ARMH3: variants seen among roughly 807,000 people sequenced by gnomAD.
ARMH3 encodes the protein armadillo like helical domain containing 3, also known as armadillo-like helical domain-containing protein 3.
A neutral mutation model predicts 99.1 loss-of-function variants in ARMH3; 60 were observed. That is an observed-to-expected ratio of 0.61 (90% CI 0.49 to 0.75). ARMH3 has a LOEUF of 0.75. Among genes scored for constraint, ARMH3 ranks in the 30% least tolerant of loss-of-function variants. The pLI, the probability that ARMH3 is intolerant of heterozygous loss-of-function variation, is 0.00. For missense variants in ARMH3, 679 were observed against 843.1 expected, an observed-to-expected ratio of 0.81 and a Z score of 2.41; for synonymous variants, 285 against 292.8, an observed-to-expected ratio of 0.97 and a Z score of 0.27.
chr10:101,895,574 C>T (rs764325746), intron 23 of ARMH3, among the ~76,000 whole-genome samples: 11 of 152,110 alleles, frequency 7.2e-5, no homozygotes, highest in South Asian at 2.1e-4. Flanking sequence ...CCACTGCGCC[C>T]GGCCCTTAAA....
intron 22 of ARMH3, among the ~76,000 whole-genome samples, chr10:101,945,250 T>C (rs1844462857): frequency 6.6e-6 from 1 of 152,208 alleles, no homozygotes. Flanking sequence ...ACTATGTGGA[T>C]GGCTAAAACT....
chr10:101,994,278 G>T (rs1367085586), intron 16 of ARMH3, among the ~76,000 whole-genome samples: 1 of 152,168 alleles, frequency 6.6e-6, no homozygotes, highest in African/African-American at 2.4e-5. Flanking sequence ...GATTTTCTTA[G>T]AAAGATTTTT....
chr10:101,995,493 G>C, intron 15 of ARMH3, 138 bp from the exon 16 acceptor site: 1 of 703,124 alleles, frequency 1.4e-6, no homozygotes, highest in Non-Finnish European at 2.4e-6. Flanking sequence ...GAAAATCAAG[G>C]TACTACTATA....
intron 8 of ARMH3, among the ~76,000 whole-genome samples, chr10:102,021,378 C>A (rs990615700): frequency 3.3e-5 from 5 of 150,682 alleles, no homozygotes; most frequent in African/African-American, 1.2e-4. Context: ...CCGTCCCCAG[C>A]CTTAGATTTT....
chr10:101,979,108 C>T (rs1434217911), intron 19 of ARMH3, among the ~76,000 whole-genome samples: 1 of 151,906 alleles, frequency 6.6e-6, no homozygotes, highest in Non-Finnish European at 1.5e-5. Flanking sequence ...CACCCCAGCC[C>T]AGATAACAGA....
chr10:102,043,443 A>C (rs2067468772), intron 1 of ARMH3, among the ~76,000 whole-genome samples: 1 of 152,246 alleles, frequency 6.6e-6, no homozygotes, highest in Admixed American at 6.5e-5. Context: ...TATAGGATTA[A>C]AGAGAGGAAA....
At chr10:101,915,150 A>C (rs1843027246) in intron 23 of ARMH3, among the ~76,000 whole-genome samples, 1 of 152,150 alleles carries the variant, frequency 6.6e-6, no homozygotes, top group Non-Finnish European at 1.5e-5. Context: ...TGCATTATTT[A>C]TCACACTAGG....
chr10:101,855,349 G>A (rs1445947098), intron 24 of ARMH3, among the ~76,000 whole-genome samples: 1 of 150,832 alleles, frequency 6.6e-6, no homozygotes, highest in Admixed American at 6.6e-5. Flanking sequence ...ATACAGGCGT[G>A]AGCCACCACG....
intron 22 of ARMH3, among the ~76,000 whole-genome samples, chr10:101,944,780 C>T (rs1844445574): frequency 6.6e-6 from 1 of 151,928 alleles, no homozygotes; most frequent in Non-Finnish European, 1.5e-5. Flanking sequence ...CACTACTATG[C>T]TCCAGTCTGG....
chr10:102,033,576 G>A (rs924985382), intron 2 of ARMH3: 9 of 409,154 alleles, frequency 2.2e-5, no homozygotes, highest in Non-Finnish European at 3.9e-5. Flanking sequence ...CCACCACCTC[G>A]CCCGGCTAAT....
intron 24 of ARMH3, among the ~76,000 whole-genome samples, chr10:101,886,484 T>A (rs1161286190): frequency 1.3e-5 from 2 of 152,138 alleles, no homozygotes; most frequent in Non-Finnish European, 2.9e-5. Flanking sequence ...TACTCCAGCC[T>A]GGGTGACAGA....
intron 23 of ARMH3, among the ~76,000 whole-genome samples, chr10:101,913,553 G>A (rs1842957940): frequency 6.6e-6 from 1 of 150,998 alleles, no homozygotes; most frequent in Non-Finnish European, 1.5e-5. Flanking sequence ...TTTTTGTAGA[G>A]ATGGGGTCTT....
chr10:101,904,154 TAA>T (rs1490984452), intron 23 of ARMH3, among the ~76,000 whole-genome samples: 2 of 152,250 alleles, frequency 1.3e-5, no homozygotes, highest in African/African-American at 4.8e-5. Context: ...CTGCCTGTTA[TAA>T]GAGTGTCCTT....
chr10:102,030,337 G>T (rs533246992), intron 4 of ARMH3, among the ~76,000 whole-genome samples: 1 of 152,280 alleles, frequency 6.6e-6, no homozygotes, highest in African/African-American at 2.4e-5. Context: ...TTATAAAGCA[G>T]ACTGGGAGGT....
chr10:101,861,420 T>C (rs2066865372), intron 24 of ARMH3, among the ~76,000 whole-genome samples: 1 of 152,204 alleles, frequency 6.6e-6, no homozygotes, highest in African/African-American at 2.4e-5. Context: ...CCAAAAGTCC[T>C]GTACTACAAG....
intron 19 of ARMH3, among the ~76,000 whole-genome samples, chr10:101,984,928 G>A (rs1231539302): frequency 6.6e-6 from 1 of 151,832 alleles, no homozygotes; most frequent in Non-Finnish European, 1.5e-5. Context: ...AATTAGCCGG[G>A]CGTGGTGGTG....
At chr10:102,002,622 C>A (rs1053142363) in intron 14 of ARMH3, among the ~76,000 whole-genome samples, 1 of 152,048 alleles carries the variant, frequency 6.6e-6, no homozygotes, top group African/African-American at 2.4e-5. Context: ...AAGTGGCAGA[C>A]TTCCCTTCCC....
At chr10:101,857,903 T>A (rs2066772430) in intron 24 of ARMH3, among the ~76,000 whole-genome samples, 1 of 152,250 alleles carries the variant, frequency 6.6e-6, no homozygotes, top group South Asian at 2.1e-4. Context: ...GAACTGGTTA[T>A]GTGTCTCCTA....
At chr10:102,019,515 T>A (rs1318685439) in intron 8 of ARMH3, among the ~76,000 whole-genome samples, 2 of 152,184 alleles carry the variant, frequency 1.3e-5, no homozygotes, top group African/African-American at 4.8e-5. Flanking sequence ...TCCCTGAAGA[T>A]CTTCCAAATG....
Sources: allele counts gnomAD v4.1 joint callset (sites outside exome capture counted in the v4.1 genomes callset), GRCh38; gene constraint gnomAD v4.1.1; transcripts MANE v1.5; gene names NCBI Gene and HGNC (gene_info 2026-07-23, HGNC 2026-07-21).